The following RORB variants were observed in gnomAD, a reference collection of about 807,000 sequenced individuals.
RORB encodes the protein nuclear receptor ROR-beta.
A neutral mutation model predicts 59.1 loss-of-function variants in RORB; 6 were observed. The observed-to-expected ratio is 0.10, with a 90% CI of 0.06 to 0.20. RORB has a LOEUF of 0.20. Ranked by LOEUF, RORB falls within the 10% of genes least tolerant of loss-of-function variation. RORB has a pLI of 1.00. For synonymous variants in RORB, 215 were observed against 204.5 expected, an observed-to-expected ratio of 1.05 and a Z score of -0.44; for missense variants, 320 against 560.5, an observed-to-expected ratio of 0.57 and a Z score of 4.33.
chr9:74,645,859 T>G (rs1823888818), intron 4 of RORB, among the ~76,000 whole-genome samples: 1 of 152,128 alleles, frequency 6.6e-6, no homozygotes, highest in Non-Finnish European at 1.5e-5. Context: ...TATACTGTAT[T>G]TCCTCCCACC....
intron 1 of RORB, among the ~76,000 whole-genome samples, chr9:74,599,980 A>C (rs964505439): frequency 1.3e-5 from 2 of 152,154 alleles, no homozygotes; most frequent in African/African-American, 4.8e-5. Context: ...TCTCTAGTGA[A>C]TTTCTCCCTT....
intron 1 of RORB, among the ~76,000 whole-genome samples, chr9:74,589,599 C>T (rs1822855538): frequency 6.6e-6 from 1 of 152,146 alleles, no homozygotes; most frequent in Non-Finnish European, 1.5e-5. Flanking sequence ...GTGCCTAAGA[C>T]TCAATAAATA....
rs1824426015 is a variant in RORB at position 74,675,693 on chromosome 9, C to T, written c.1224+3792C>T. On this transcript the variant is annotated intron_variant, in intron 9 of 9. Transcript: ENST00000376896. Reference sequence around the variant, plus strand: ...ATACTCCAGCTTCAAAGCTGCAAAGCATACAGTGTGTGCAAAGCCCGGGTT... The same window carrying T: ...ATACTCCAGCTTCAAAGCTGCAAAGTATACAGTGTGTGCAAAGCCCGGGTT... Among the ~76,000 whole-genome samples, 4 of 152,230 alleles carry T rather than the reference C, an allele frequency of 2.6e-5. No individual in the cohort carries two copies. In the South Asian group the frequency reaches 8.3e-4, roughly 31 times the overall value.
intron 1 of RORB, among the ~76,000 whole-genome samples, chr9:74,535,444 A>G (rs1826307738): frequency 6.6e-6 from 1 of 151,984 alleles, no homozygotes; most frequent in Non-Finnish European, 1.5e-5. Flanking sequence ...CAGAATGGAA[A>G]AAATCTTGGA....
rs200621495 is a variant in RORB, at chr9:74,662,615, G to T, written c.892+9G>T. 18 of 1,612,744 alleles carry T rather than the reference G, an allele frequency of 1.1e-5. No homozygotes were observed. Among genetic ancestry groups the T allele is most frequent in the Non-Finnish European group, 1.5e-5 (18 of 1,179,974 alleles). On this transcript the variant is annotated intron_variant, in intron 6 of 9. Transcript: ENST00000376896. Reference sequence around the variant, plus strand: ...TCTACTTCTGAAGTCAGGTAAGCAAGAAGATTCATGGGAGGCCTATTTCAG... The same window carrying T: ...TCTACTTCTGAAGTCAGGTAAGCAATAAGATTCATGGGAGGCCTATTTCAG...
chr9:74,557,100 C>G (rs569242268), intron 1 of RORB, among the ~76,000 whole-genome samples: 2 of 152,172 alleles, frequency 1.3e-5, no homozygotes, highest in African/African-American at 4.8e-5. Flanking sequence ...GCTCATAAGA[C>G]ACGGGTGAAG....
chr9:74,502,343 G>A (rs1018566014), intron 1 of RORB, among the ~76,000 whole-genome samples: 2 of 151,980 alleles, frequency 1.3e-5, no homozygotes, highest in African/African-American at 4.8e-5. Flanking sequence ...ATACACAGTT[G>A]TCAACAGGGA....
chr9:74,498,224 AGGCTAGTT>A (rs1487627418), intron 1 of RORB: 1 of 594,908 alleles, frequency 1.7e-6, no homozygotes. Flanking sequence ...GAGGGGAGAC[AGGCTAGTT>A]GGTTCTTACC....
chr9:74,599,471 C>T (rs1213649719), intron 1 of RORB, among the ~76,000 whole-genome samples: 1 of 152,150 alleles, frequency 6.6e-6, no homozygotes, highest in Non-Finnish European at 1.5e-5. Context: ...GTGCTATCTA[C>T]TATCTCCTTT....
intron 1 of RORB, among the ~76,000 whole-genome samples, chr9:74,572,289 A>T (rs1304901008): frequency 6.6e-6 from 1 of 152,184 alleles, no homozygotes; most frequent in Non-Finnish European, 1.5e-5. Context: ...TATGAAAAAA[A>T]ATATTATGGT....
At chr9:74,581,515 C>T (rs1587368862) in intron 1 of RORB, among the ~76,000 whole-genome samples, 1 of 152,156 alleles carries the variant, frequency 6.6e-6, no homozygotes, top group East Asian at 1.9e-4. Flanking sequence ...AATTGATTGC[C>T]TTCACAACCT....
intron 1 of RORB, among the ~76,000 whole-genome samples, chr9:74,499,281 TCTC>T (rs1342933806): frequency 6.6e-6 from 1 of 151,840 alleles, no homozygotes; most frequent in Admixed American, 6.6e-5. Flanking sequence ...CAATCACTGG[TCTC>T]CTCCTTCCAC....
chr9:74,624,537 C>A (rs1408726500), intron 1 of RORB, among the ~76,000 whole-genome samples: 1 of 152,234 alleles, frequency 6.6e-6, no homozygotes, highest in Non-Finnish European at 1.5e-5. Flanking sequence ...GATCCTATCC[C>A]ATCCCAACCT....
intron 4 of RORB, among the ~76,000 whole-genome samples, chr9:74,655,352 G>C (rs1265010394): frequency 1.3e-5 from 2 of 152,158 alleles, no homozygotes; most frequent in African/African-American, 4.8e-5. Context: ...ATTCCTGTTG[G>C]ACTTACTATT....
chr9:74,661,447 T>A (rs913102781), intron 5 of RORB, among the ~76,000 whole-genome samples: 1 of 152,120 alleles, frequency 6.6e-6, no homozygotes, highest in Non-Finnish European at 1.5e-5. Context: ...ATCTCAGTAC[T>A]TTTATATAAA....
At chr9:74,602,234 A>C (rs1823070531) in intron 1 of RORB, among the ~76,000 whole-genome samples, 1 of 152,226 alleles carries the variant, frequency 6.6e-6, no homozygotes, top group South Asian at 2.1e-4. Context: ...TTTTTTCCTC[A>C]GATAAAAATC....
intron 5 of RORB, among the ~76,000 whole-genome samples, 168 bp downstream of exon 5, chr9:74,660,906 C>T (rs559723959): frequency 2.6e-5 from 4 of 152,330 alleles, no homozygotes; most frequent in African/African-American, 7.2e-5. Flanking sequence ...GATGTGCCAT[C>T]GCCCTCACAC....
intron 1 of RORB, 148 bp from the exon 2 acceptor site, chr9:74,630,134 T>C: frequency 3.2e-6 from 3 of 926,988 alleles, no homozygotes; most frequent in Non-Finnish European, 4.4e-6. Flanking sequence ...GCCATGCAAA[T>C]ACTAATGGAT....
intron 1 of RORB, among the ~76,000 whole-genome samples, chr9:74,618,317 G>A (rs78839581): frequency 3.8e-5 from 4 of 106,664 alleles, no homozygotes; most frequent in African/African-American, 1.3e-4. Context: ...ACCAGTTAAA[G>A]TTACTATTAG....
Sources: allele counts gnomAD v4.1 joint callset (sites outside exome capture counted in the v4.1 genomes callset), GRCh38; gene constraint gnomAD v4.1.1; transcripts MANE v1.5; gene names NCBI Gene and HGNC (gene_info 2026-07-23, HGNC 2026-07-21).